The following TOX3 variants were observed in gnomAD, a reference collection of about 807,000 sequenced individuals.
TOX3 encodes the protein TOX high mobility group box family member 3.
In TOX3, 22 loss-of-function variants were observed where a neutral mutation model predicts 64.3. The observed-to-expected ratio is 0.34, with a 90% CI of 0.24 to 0.49. The LOEUF is 0.49. Among genes scored for constraint, TOX3 ranks in the 20% least tolerant of loss-of-function variants. The pLI is 0.99. For synonymous variants in TOX3, 291 were observed against 273.6 expected (o/e 1.06, Z -0.63); for missense variants, 661 against 714.4 (o/e 0.93, Z 0.85).
At chr16:52,446,367 C>T (rs976923316) in intron 4 of TOX3, 146 bp from the exon 5 acceptor site, 1 of 795,096 alleles carries the variant, frequency 1.3e-6, no homozygotes, top group Non-Finnish European at 1.9e-6. Context: ...GAGGGGTAAA[C>T]TTGCTTGGAG....
At chr16:52,512,575 G>A (rs1962340550) in intron 1 of TOX3, among the ~76,000 whole-genome samples, 1 of 152,134 alleles carries the variant, frequency 6.6e-6, no homozygotes, top group Non-Finnish European at 1.5e-5. Flanking sequence ...TGGTGACTGG[G>A]GACAGGCAAA....
At chr16:52,484,586 A>C (rs994972199) in intron 1 of TOX3, among the ~76,000 whole-genome samples, 14 of 152,192 alleles carry the variant, frequency 9.2e-5, no homozygotes, top group Non-Finnish European at 1.5e-5. Flanking sequence ...TCTTACAACA[A>C]ATATATTCTG....
chr16:52,505,880 G>A (rs544026174), intron 1 of TOX3, among the ~76,000 whole-genome samples: 16 of 152,164 alleles, frequency 1.1e-4, no homozygotes, highest in Non-Finnish European at 2.4e-4. Flanking sequence ...GGAGGCTGAG[G>A]TGGGAGGATT....
At chr16:52,529,768 A>G (rs914647855) in intron 1 of TOX3, among the ~76,000 whole-genome samples, 2 of 152,322 alleles carry the variant, frequency 1.3e-5, no homozygotes, top group African/African-American at 2.4e-5. Flanking sequence ...GTAACCTAAG[A>G]AGATTCTCTG....
At chr16:52,498,664 C>T (rs1961918214) in intron 1 of TOX3, among the ~76,000 whole-genome samples, 1 of 152,142 alleles carries the variant, frequency 6.6e-6, no homozygotes, top group African/African-American at 2.4e-5. Context: ...CAGAAGAAGG[C>T]CTCCATGAGC....
intron 1 of TOX3, among the ~76,000 whole-genome samples, chr16:52,515,254 G>A (rs1044759147): frequency 2.0e-5 from 3 of 151,500 alleles, no homozygotes; most frequent in African/African-American, 7.3e-5. Context: ...CATGCCTATG[G>A]CCTTGTCCTT....
In TOX3 at chr16:52,469,512, T is replaced by C. The variant is rs1401590341; in HGVS notation, c.88-938A>G. Among the ~76,000 whole-genome samples, 5 of 152,314 alleles carry C rather than the reference T, an allele frequency of 3.3e-5. No homozygotes were observed. In the East Asian group the frequency reaches 9.6e-4, roughly 29 times the overall value. ...TTTTAACTGGTAAAAGAATGTCCTT[T>C]TTATAAAGTGTATTATTTCCTTCCT... On this transcript the variant is annotated intron_variant, in intron 1 of 6. Coordinates refer to ENST00000219746, the MANE Select transcript of TOX3 (RefSeq NM_001080430.4).
intron 2 of TOX3, among the ~76,000 whole-genome samples, chr16:52,465,386 C>G (rs1231090601): frequency 6.6e-6 from 1 of 151,196 alleles, no homozygotes. Context: ...TCCACCCAAC[C>G]ACACTAACCA....
intron 3 of TOX3, among the ~76,000 whole-genome samples, chr16:52,462,478 A>C (rs1960720666): frequency 6.6e-6 from 1 of 152,078 alleles, no homozygotes; most frequent in Non-Finnish European, 1.5e-5. Context: ...AATTCATCAG[A>C]TGTTTAATTT....
intron 1 of TOX3, among the ~76,000 whole-genome samples, chr16:52,528,374 C>T (rs1172672077): frequency 2.0e-5 from 3 of 151,622 alleles, no homozygotes; most frequent in Non-Finnish European, 4.4e-5. Context: ...TTATAACCCC[C>T]TAGGAAGTGT....
At chr16:52,487,046 T>G (rs773034268) in intron 1 of TOX3, among the ~76,000 whole-genome samples, 1 of 152,156 alleles carries the variant, frequency 6.6e-6, no homozygotes, top group Non-Finnish European at 1.5e-5. Context: ...AGCATATAAA[T>G]TATCCCTGTG....
intron 1 of TOX3, among the ~76,000 whole-genome samples, chr16:52,528,886 C>A (rs1342078349): frequency 6.6e-6 from 1 of 152,188 alleles, no homozygotes; most frequent in Non-Finnish European, 1.5e-5. Flanking sequence ...AGGCACCGGG[C>A]AGGCTTCCTG....
intron 3 of TOX3, among the ~76,000 whole-genome samples, chr16:52,462,162 G>A (rs1025122005): frequency 6.6e-6 from 1 of 152,032 alleles, no homozygotes; most frequent in Admixed American, 6.6e-5. Flanking sequence ...TAAATACCAT[G>A]ACAACAGCCT....
At position 52,439,298 on chromosome 16, in the gene TOX3, G is replaced by C; in HGVS notation, c.1658C>G (p.Ala553Gly). The C allele has an allele frequency of 6.2e-7, 1 of 1,613,838 alleles. No individual in the cohort carries two copies. Among genetic ancestry groups the C allele is most frequent in the South Asian group, 1.1e-5 (1 of 91,072 alleles). The change falls in exon 7 of 7, where the codon GCC becomes GGC. Residue 553 changes from alanine (A) to glycine (G), a missense_variant. By Grantham distance (60) the Ala-to-Gly change is moderately conservative (BLOSUM62 0). Coordinates refer to ENST00000219746, the MANE Select transcript of TOX3 (RefSeq NM_001080430.4). ...TATTTGCGACTGGTGCTGCTGAGAG[G>C]CTGGCTGGGGGCTCCCGATGGCAGG... ...PIPAIGSPQP[A>G]SQQHQSQIQS...
At chr16:52,485,558 A>C (rs935468271) in intron 1 of TOX3, among the ~76,000 whole-genome samples, 1 of 152,120 alleles carries the variant, frequency 6.6e-6, no homozygotes, top group Non-Finnish European at 1.5e-5. Context: ...TAACAGGTAC[A>C]TTAGAAGACC....
intron 3 of TOX3, among the ~76,000 whole-genome samples, chr16:52,463,733 A>G (rs1041994363): frequency 6.6e-6 from 1 of 152,136 alleles, no homozygotes; most frequent in Non-Finnish European, 1.5e-5. Context: ...TTTTTGGATC[A>G]TCCTCTTTTT....
intron 1 of TOX3, among the ~76,000 whole-genome samples, chr16:52,538,210 T>C (rs1962999723): frequency 6.6e-6 from 1 of 152,228 alleles, no homozygotes; most frequent in Admixed American, 6.5e-5. Context: ...GTATATTTTA[T>C]TAACTGTTTG....
intron 1 of TOX3, 65 bp from the exon 2 acceptor site, chr16:52,468,639 G>T: frequency 1.5e-6 from 2 of 1,306,406 alleles, no homozygotes; most frequent in Non-Finnish European, 2.2e-6. Context: ...CTGTGATTTG[G>T]AAAGAATGCT....
chr16:52,536,208 A>C (rs914540260), intron 1 of TOX3, among the ~76,000 whole-genome samples: 2 of 152,216 alleles, frequency 1.3e-5, no homozygotes, highest in African/African-American at 4.8e-5. Context: ...GAATAAATGA[A>C]TAATCAAGAA....
Sources: allele counts gnomAD v4.1 joint callset (sites outside exome capture counted in the v4.1 genomes callset), GRCh38; gene constraint gnomAD v4.1.1; transcripts MANE v1.5; gene names NCBI Gene and HGNC (gene_info 2026-07-23, HGNC 2026-07-21).